The following TRPM3 variants were observed in gnomAD, a reference collection of about 807,000 sequenced individuals.
The protein encoded by TRPM3 is long transient receptor potential channel 3.
In TRPM3, 77 loss-of-function variants were observed where a neutral mutation model predicts 181.2. The ratio of observed to expected loss-of-function variants is 0.42; its 90% CI spans 0.35 to 0.51. The LOEUF is 0.51. Among genes scored for constraint, TRPM3 ranks in the 20% least tolerant of loss-of-function variants. The probability of loss-of-function intolerance (pLI) is 0.01; values close to 1 mark genes in which losing one functional copy is unlikely to be tolerated. For missense variants in TRPM3, 1,759 were observed against 2,196.7 expected (o/e 0.80, Z 3.98); for synonymous variants, 745 against 796.4 (o/e 0.94, Z 1.09).
rs73451705 is a variant in TRPM3, at chr9:70,604,182, G to A, written c.2668-712C>T. On this transcript the variant is annotated intron_variant, in intron 19 of 25. Coordinates refer to ENST00000677713, the MANE Select transcript of TRPM3 (RefSeq NM_001366145.2). Reference sequence around the variant, plus strand: ...TTTAATCCCCAAGAGGCTCTGGCTCGTGGGGTTGAATCCTGATGTGACTGG... The same window carrying A: ...TTTAATCCCCAAGAGGCTCTGGCTCATGGGGTTGAATCCTGATGTGACTGG... Among the ~76,000 whole-genome samples, 179 of 152,304 alleles carry A rather than the reference G, an allele frequency of 1.2e-3. 1 individual carries two copies. Among genetic ancestry groups the A allele is most frequent in the African/African-American group, 3.6e-3 (150 of 41,556 alleles).
intron 1 of TRPM3, among the ~76,000 whole-genome samples, chr9:71,133,014 G>C (rs1565259420): frequency 6.6e-6 from 1 of 151,982 alleles, no homozygotes; most frequent in African/African-American, 2.4e-5. Flanking sequence ...TACAATTTAG[G>C]ATGAAGGATG....
intron 1 of TRPM3, among the ~76,000 whole-genome samples, chr9:71,202,432 T>C (rs2078865337): frequency 6.6e-6 from 1 of 152,148 alleles, no homozygotes; most frequent in Non-Finnish European, 1.5e-5. Context: ...AGTTGGGCCT[T>C]TCTGTACCCC....
intron 1 of TRPM3, among the ~76,000 whole-genome samples, chr9:71,148,406 C>T (rs2075551384): frequency 6.6e-6 from 1 of 152,100 alleles, no homozygotes; most frequent in South Asian, 2.1e-4. Context: ...TGATTTGCTA[C>T]AACAATACTT....
chr9:71,147,456 C>CACACACACACACACACAG (rs1491219267), intron 1 of TRPM3, among the ~76,000 whole-genome samples: 1 of 151,282 alleles, frequency 6.6e-6, no homozygotes, highest in South Asian at 2.1e-4. Flanking sequence ...CACACACACA[C>CACACACACACACACACAG]AGCCAGCTAG....
intron 1 of TRPM3, among the ~76,000 whole-genome samples, chr9:71,000,128 C>A (rs893058139): frequency 6.6e-6 from 1 of 152,110 alleles, no homozygotes; most frequent in East Asian, 1.9e-4. Flanking sequence ...AAACAGGAAG[C>A]GATCTTTCAG....
intron 1 of TRPM3, among the ~76,000 whole-genome samples, chr9:71,082,813 G>A (rs1412267372): frequency 6.6e-6 from 1 of 151,818 alleles, no homozygotes; most frequent in Non-Finnish European, 1.5e-5. Context: ...TGTGGTGATA[G>A]AGACACACCA....
chr9:70,823,229 C>T (rs1327651060), intron 6 of TRPM3, among the ~76,000 whole-genome samples: 1 of 152,190 alleles, frequency 6.6e-6, no homozygotes, highest in Non-Finnish European at 1.5e-5. Flanking sequence ...TTATCTCTCA[C>T]CTGCATTATT....
chr9:70,569,276 AAGC>A (rs753202534), intron 22 of TRPM3, among the ~76,000 whole-genome samples: 11 of 152,164 alleles, frequency 7.2e-5, no homozygotes, highest in Non-Finnish European at 1.6e-4. Context: ...ACCCAAGAAT[AAGC>A]AGTCTGTTTA....
chr9:71,406,320 T>C (rs545797089), intron 1 of TRPM3, among the ~76,000 whole-genome samples: 44 of 152,296 alleles, frequency 2.9e-4, no homozygotes, highest in Admixed American at 4.6e-4. Flanking sequence ...AAATATACTC[T>C]ATAGAAAAAT....
At chr9:71,233,610 T>C (rs898929022) in intron 1 of TRPM3, among the ~76,000 whole-genome samples, 24 of 152,210 alleles carry the variant, frequency 1.6e-4, no homozygotes, top group African/African-American at 5.3e-4. Context: ...ACACGAATCC[T>C]AGGAAACTGC....
intron 1 of TRPM3, among the ~76,000 whole-genome samples, chr9:71,428,835 A>T (rs1203917882): frequency 1.3e-5 from 2 of 151,992 alleles, no homozygotes; most frequent in Non-Finnish European, 2.9e-5. Flanking sequence ...TGAATACCTT[A>T]TAATCATCAA....
chr9:70,843,090 A>G lies in TRPM3; in HGVS notation c.714T>C (p.His238=), dbSNP rs557095668. ...IRHVGDALKD[H]ASKSRGKICT... ...ATATCTTTCCTCGAGACTTAGAGGC[A>G]TGATCCTTCAAGGCATCGCCAACAT... The change falls in exon 5 of 26, where the codon CAT becomes CAC. Residue 238 remains histidine, a synonymous_variant. Transcript: ENST00000677713. 2 of 1,613,286 alleles carry G rather than the reference A, an allele frequency of 1.2e-6. No individual in the cohort carries two copies. Among genetic ancestry groups the G allele is most frequent in the Admixed American group, 1.7e-5 (1 of 59,910 alleles).
intron 8 of TRPM3, among the ~76,000 whole-genome samples, chr9:70,755,672 C>T (rs2076957023): frequency 6.6e-6 from 1 of 152,042 alleles, no homozygotes; most frequent in South Asian, 2.1e-4. Flanking sequence ...CGGCCATCGA[C>T]ATTCTTAAAG....
intron 1 of TRPM3, among the ~76,000 whole-genome samples, chr9:70,929,198 T>C (rs1266510216): frequency 6.6e-6 from 1 of 151,678 alleles, no homozygotes; most frequent in Non-Finnish European, 1.5e-5. Flanking sequence ...CTCTTAAATA[T>C]AATTTTTTCT....
At position 70,537,170 on chromosome 9, in the gene TRPM3, T is replaced by C; in HGVS notation, c.3943A>G (p.Ser1315Gly). Reference sequence around the variant, plus strand: ...AGCTTGAAGGTGTTCCCTTCCTGGCTGTTGAAGCTGCTCTGACGGACAATG... The same window carrying C: ...AGCTTGAAGGTGTTCCCTTCCTGGCCGTTGAAGCTGCTCTGACGGACAATG... ...AYIVRQSSFN[S>G]QEGNTFKLQE... Residue 1315 changes from serine to glycine, a missense_variant, in exon 26 of 26, where the codon AGC becomes GGC. Around this residue, in one of 8 missense-constraint regions of TRPM3, gnomAD observed 612 missense variants for 590.0 expected, o/e 1.04. Coordinates refer to ENST00000677713, the MANE Select transcript of TRPM3 (RefSeq NM_001366145.2). 2 of 1,589,486 alleles carry C rather than the reference T, an allele frequency of 1.3e-6. No homozygotes were observed. Among genetic ancestry groups the C allele is most frequent in the Non-Finnish European group, 1.7e-6 (2 of 1,162,934 alleles).
chr9:70,973,391 T>C (rs2097265630), intron 1 of TRPM3, among the ~76,000 whole-genome samples: 1 of 152,224 alleles, frequency 6.6e-6, no homozygotes, highest in Non-Finnish European at 1.5e-5. Flanking sequence ...TATGAAGTCT[T>C]CCTATTGGTT....
chr9:71,122,763 A>G (rs755829171), upstream of TRPM3, among the ~76,000 whole-genome samples: 6 of 152,220 alleles, frequency 3.9e-5, no homozygotes, highest in African/African-American at 7.2e-5. Flanking sequence ...TCAAAAATTT[A>G]AGAAAGATAT....
At chr9:71,184,495 T>C (rs2077569085) in intron 1 of TRPM3, among the ~76,000 whole-genome samples, 1 of 152,134 alleles carries the variant, frequency 6.6e-6, no homozygotes, top group South Asian at 2.1e-4. Flanking sequence ...GCCCCAAAAA[T>C]GGAAGTGACC....
chr9:70,606,819 A>G (rs1447854215), intron 19 of TRPM3, among the ~76,000 whole-genome samples: 1 of 151,916 alleles, frequency 6.6e-6, no homozygotes, highest in Non-Finnish European at 1.5e-5. Flanking sequence ...ACTAAGATTC[A>G]TGCTTCTTAA....
Sources: allele counts gnomAD v4.1 joint callset (sites outside exome capture counted in the v4.1 genomes callset), GRCh38; gene constraint gnomAD v4.1.1; regional missense constraint gnomAD v4.1.1; transcripts MANE v1.5; gene names NCBI Gene and HGNC (gene_info 2026-07-23, HGNC 2026-07-21).